ERMP1: variants seen among roughly 807,000 people sequenced by gnomAD.
ERMP1 encodes Felix-ina.
In ERMP1, 86 loss-of-function variants were observed where a neutral mutation model predicts 92.0. The ratio of observed to expected loss-of-function variants is 0.93; its 90% CI spans 0.79 to 1.12. The LOEUF (loss-of-function observed/expected upper bound fraction) is 1.12, where lower values mean the gene tolerates loss of function less well. Ranked by LOEUF, ERMP1 falls within the 50% of genes most tolerant of loss-of-function variation. The pLI, the probability that ERMP1 is intolerant of heterozygous loss-of-function variation, is 0.00. For missense variants in ERMP1, 1,342 were observed against 1,116.3 expected (o/e 1.20, Z -2.88); for synonymous variants, 530 against 412.8 (o/e 1.28, Z -3.44).
At chr9:5,864,093 T>C (rs547907333) in intron 5 of ERMP1, among the ~76,000 whole-genome samples, 3 of 152,328 alleles carry the variant, frequency 2.0e-5, no homozygotes, top group Admixed American at 2.0e-4. Context: ...CCTCCAGAAT[T>C]GCACATTTTC....
intron 5 of ERMP1, among the ~76,000 whole-genome samples, chr9:5,865,821 G>C (rs1280516171): frequency 7.8e-6 from 1 of 128,060 alleles, no homozygotes; most frequent in Admixed American, 8.6e-5. Context: ...CCGGGCAACA[G>C]AGTGAGGCTC....
intron 6 of ERMP1, among the ~76,000 whole-genome samples, chr9:5,842,434 C>CAAAAA (rs57411750): frequency 1.9e-4 from 21 of 107,798 alleles, no homozygotes; most frequent in East Asian, 3.1e-4. Context: ...GAGACTGTCT[C>CAAAAA]AAAAAAAAAA....
chr9:5,795,484 A>C (rs182498748), intron 13 of ERMP1, among the ~76,000 whole-genome samples: 1 of 152,364 alleles, frequency 6.6e-6, no homozygotes. Context: ...TATTCATAGA[A>C]TCTTAAAAGA....
rs1339468650 is a variant in ERMP1 at position 5,805,631 on chromosome 9, T to C, written c.1703A>G (p.His568Arg). 2.5e-6 allele frequency: 4 copies of C among 1,599,334 alleles called. No homozygotes were observed. The highest frequency in any genetic ancestry group is 2.3e-5 in the South Asian group (2 of 88,462). ...AFPLLTKLCV[H>R]KDFKQHGAQG... ...CCTACCATGCTGCTTGAAGTCCTTA[T>C]GCACACAGAGCTTTGTGAGCAATGG... Residue 568 changes from histidine to arginine, a missense_variant, in exon 9 of 15, where the codon CAT (histidine) becomes CGT (arginine). By Grantham distance (29) the His-to-Arg change is conservative. Transcript: ENST00000339450.
At chr9:5,857,077 G>A (rs1365593759) in intron 6 of ERMP1, among the ~76,000 whole-genome samples, 1 of 152,084 alleles carries the variant, frequency 6.6e-6, no homozygotes, top group Non-Finnish European at 1.5e-5. Flanking sequence ...CTGGAGTGCA[G>A]TGGCACAATT....
At chr9:5,829,608 T>G (rs1829863079) in intron 2 of ERMP1, among the ~76,000 whole-genome samples, 1 of 152,244 alleles carries the variant, frequency 6.6e-6, no homozygotes, top group African/African-American at 2.4e-5. Flanking sequence ...ATTACACAGA[T>G]GAGAAACTAA....
intron 6 of ERMP1, among the ~76,000 whole-genome samples, chr9:5,850,571 T>C (rs1187593156): frequency 6.6e-6 from 1 of 152,006 alleles, no homozygotes; most frequent in East Asian, 1.9e-4. Flanking sequence ...TTCGTAAACC[T>C]CTGAAAATGC....
chr9:5,786,873 G>T lies in ERMP1; in HGVS notation c.*271C>A. ...GTGGATTGTTGGCTTTGTCCTTAAG[G>T]TCATATAAAATGACGTGTGTGTAGT... is the stretch of plus-strand genomic sequence containing the variant. On this transcript the variant is annotated 3_prime_UTR_variant, in exon 15 of 15. Coordinates refer to ENST00000339450, the MANE Select transcript of ERMP1 (RefSeq NM_024896.3). 3.7e-6 allele frequency: 1 copy of T among 269,504 alleles called. No individual in the cohort carries two copies. The highest frequency in any genetic ancestry group is 4.9e-5 in the Admixed American group (1 of 20,558). 16.7% of individuals were successfully genotyped at this position (269,504 alleles called of 1,614,324 possible).
chr9:5,805,496 T>C, intron 9 of ERMP1, 115 bp downstream of exon 9: 1 of 946,682 alleles, frequency 1.1e-6, no homozygotes, highest in Non-Finnish European at 1.5e-6. Context: ...TGAAAACTTT[T>C]AAAAACTAAC....
chr9:5,846,819 C>A (rs114492482), intron 6 of ERMP1, among the ~76,000 whole-genome samples: 56 of 152,246 alleles, frequency 3.7e-4, no homozygotes, highest in African/African-American at 1.3e-3. Flanking sequence ...GACATTTCCC[C>A]GTTCTATTTG....
At chr9:5,848,108 C>G (rs1387524839) in intron 6 of ERMP1, among the ~76,000 whole-genome samples, 1 of 152,114 alleles carries the variant, frequency 6.6e-6, no homozygotes, top group East Asian at 1.9e-4. Context: ...AAACAGCCCC[C>G]TCAAGATGTC....
chr9:5,810,054 T>C lies in ERMP1; in HGVS notation c.1505A>G (p.Lys502Arg). 6.2e-7 allele frequency: 1 copy of C among 1,613,636 alleles called. No homozygotes were observed. Among genetic ancestry groups the C allele is most frequent in the Non-Finnish European group, 8.5e-7 (1 of 1,179,614 alleles). Reference sequence around the variant, plus strand: ...CGCAAGAGTATGTATAAGTATTATTTTGGCTACAGTTGCAGTTCCATACAG... The same window carrying C: ...CGCAAGAGTATGTATAAGTATTATTCTGGCTACAGTTGCAGTTCCATACAG... Reference protein sequence around the residue: ...VCLYGTATVAKIILIHTLAKR... With the variant: ...VCLYGTATVARIILIHTLAKR... Residue 502 changes from lysine (K) to arginine (R), a missense_variant, in exon 8 of 15, where the codon AAA (lysine) becomes AGA (arginine). Transcript: ENST00000339450.
intron 4 of ERMP1, among the ~76,000 whole-genome samples, chr9:5,819,629 G>A (rs1009419233): frequency 2.3e-4 from 35 of 151,954 alleles, no homozygotes; most frequent in African/African-American, 7.2e-4. Flanking sequence ...GTTTACTATG[G>A]CACATAGTTT....
chr9:5,838,404 G>T (rs901957135), intron 6 of ERMP1, among the ~76,000 whole-genome samples: 4 of 151,970 alleles, frequency 2.6e-5, no homozygotes, highest in African/African-American at 9.7e-5. Context: ...AATTAGCTGG[G>T]TGTGGTGGTG....
intron 13 of ERMP1, among the ~76,000 whole-genome samples, chr9:5,792,609 A>C (rs1828245238): frequency 6.6e-6 from 1 of 152,192 alleles, no homozygotes. Flanking sequence ...GAAAAACCAC[A>C]TGCAACTTAT....
intron 5 of ERMP1, among the ~76,000 whole-genome samples, chr9:5,864,223 G>A (rs1830583998): frequency 6.6e-6 from 1 of 152,118 alleles, no homozygotes; most frequent in Non-Finnish European, 1.5e-5. Context: ...GTTGCTTGAG[G>A]CCATTTTCAA....
intron 6 of ERMP1, among the ~76,000 whole-genome samples, chr9:5,811,574 G>A (rs938472702): frequency 6.6e-6 from 1 of 152,032 alleles, no homozygotes. Flanking sequence ...CCACTCAGAC[G>A]CTCAGCCAAC....
chr9:5,804,771 G>C (rs1030028056), intron 10 of ERMP1, among the ~76,000 whole-genome samples: 1 of 151,964 alleles, frequency 6.6e-6, no homozygotes, highest in Non-Finnish European at 1.5e-5. Context: ...GTATCTGACA[G>C]GCTATTTGAA....
intron 11 of ERMP1, among the ~76,000 whole-genome samples, chr9:5,799,413 C>A (rs996426191): frequency 2.6e-5 from 4 of 152,106 alleles, no homozygotes; most frequent in Non-Finnish European, 5.9e-5. Context: ...TTGCAGCTCA[C>A]CACTAGATGA....
Sources: gnomAD v4.1 joint callset for allele counts (sites outside exome capture counted in the v4.1 genomes callset) on GRCh38, gnomAD v4.1.1 for gene constraint, MANE v1.5 for transcripts, NCBI Gene and HGNC (gene_info 2026-07-23, HGNC 2026-07-21) for gene names.